Variants in OSBPL9 observed in about 807,000 individuals in gnomAD.
OSBPL9 encodes the protein oxysterol-binding protein-related protein 9.
In OSBPL9, 40 loss-of-function variants were observed where a neutral mutation model predicts 106.6. The observed-to-expected ratio is 0.38, with a 90% CI of 0.29 to 0.49. OSBPL9 has a LOEUF of 0.49. Among genes scored for constraint, OSBPL9 ranks in the 20% least tolerant of loss-of-function variants. OSBPL9 has a pLI of 0.97. For synonymous variants in OSBPL9, 269 were observed against 295.4 expected (o/e 0.91, Z 0.92); for missense variants, 609 against 887.2 (o/e 0.69, Z 3.98).
intron 2 of OSBPL9, among the ~76,000 whole-genome samples, chr1:51,669,033 C>A (rs9326019): frequency 0.96 from 146,292 of 152,268 alleles, 70,541 homozygotes; most frequent in Middle Eastern, 1. Flanking sequence ...AAGCAGCCTG[C>A]TGAAGAGCAC....
Position 51,781,202 on chromosome 1 carries a change from AGG to A in OSBPL9, c.1296_1297del (p.Gln432HisfsTer39). On this transcript the variant is annotated frameshift_variant, in exon 16 of 24. Coordinates refer to ENST00000428468, the MANE Select transcript of OSBPL9 (RefSeq NM_024586.6). LOFTEE classifies it high-confidence loss of function. ...AAGGATCCCAAGGATCGAATGGTTC[AGG>A]TTGTGAAATGGTACCTCTCAGCCTT... 2 of 1,614,068 alleles carry A rather than the reference AGG, an allele frequency of 1.2e-6. No individual in the cohort carries two copies. Among genetic ancestry groups the A allele is most frequent in the Non-Finnish European group, 1.7e-6 (2 of 1,179,982 alleles).
upstream of OSBPL9, among the ~76,000 whole-genome samples, chr1:51,613,495 A>T (rs551350761): frequency 1.3e-5 from 2 of 152,214 alleles, no homozygotes; most frequent in Non-Finnish European, 2.9e-5. Context: ...TTATTTGTAA[A>T]ATGTGGAGAT....
chr1:51,586,200 A>G lies in OSBPL9; in HGVS notation c.-423+8944A>G, dbSNP rs573219952. On this transcript the variant is annotated intron_variant, in intron 1 of 25. Transcript: ENST00000371714. Reference sequence around the variant, plus strand: ...AAAAAATAAATTAATAATAATAATAATAATAAATTAAAAGGGTAACACAAG... The same window carrying G: ...AAAAAATAAATTAATAATAATAATAGTAATAAATTAAAAGGGTAACACAAG... 1.1e-4 allele frequency among the ~76,000 whole-genome samples: 16 copies of G among 152,078 alleles called. No individual in the cohort carries two copies. In the South Asian group the frequency reaches 3.3e-3, roughly 32 times the overall value.
intron 8 of OSBPL9, among the ~76,000 whole-genome samples, chr1:51,750,512 G>A (rs1463281681): frequency 6.6e-6 from 1 of 152,144 alleles, no homozygotes; most frequent in Non-Finnish European, 1.5e-5. Context: ...GTTTTTCTTA[G>A]AAAATAGAGA....
At chr1:51,609,340 TCC>T (rs1557583423) in intron 2 of OSBPL9, among the ~76,000 whole-genome samples, 1 of 146,222 alleles carries the variant, frequency 6.8e-6, no homozygotes, top group African/African-American at 2.6e-5. Flanking sequence ...ACCTTCTCTC[TCC>T]TTTTTTTTTT....
intron 1 of OSBPL9, among the ~76,000 whole-genome samples, chr1:51,631,379 A>G (rs949943043): frequency 6.6e-6 from 1 of 152,096 alleles, no homozygotes. Context: ...CATCTCTACA[A>G]AAAACTAAAA....
intron 1 of OSBPL9, among the ~76,000 whole-genome samples, chr1:51,622,020 T>G (rs553158545): frequency 1.3e-4 from 19 of 148,928 alleles, no homozygotes; most frequent in Middle Eastern, 3.5e-3. Context: ...AAATGTGTGT[T>G]TTTTTTTTTA....
chr1:51,607,725 T>C (rs1284337499), intron 2 of OSBPL9, among the ~76,000 whole-genome samples: 2 of 152,202 alleles, frequency 1.3e-5, no homozygotes, highest in Non-Finnish European at 2.9e-5. Flanking sequence ...AGTGAATCCA[T>C]ACGGGTTTGC....
chr1:51,703,698 G>C (rs1430508465), intron 3 of OSBPL9, among the ~76,000 whole-genome samples: 6 of 152,284 alleles, frequency 3.9e-5, no homozygotes, highest in African/African-American at 1.4e-4. Flanking sequence ...TGGTGAGAGA[G>C]GGCATCCCTG....
chr1:51,560,436 T>C, the OSBPL9 span, among the ~76,000 whole-genome samples: 1 of 152,020 alleles, frequency 6.6e-6, no homozygotes, highest in South Asian at 2.1e-4. Flanking sequence ...CCTTATAGAG[T>C]TGTGAGAATT....
chr1:51,746,598 C>A, intron 5 of OSBPL9, 112 bp from the exon 6 acceptor site: 29 of 666,544 alleles, frequency 4.4e-5, no homozygotes, highest in Admixed American at 5.7e-5. Context: ...ACATATAAAT[C>A]ATCCCTGGAC....
chr1:51,781,107 A>G (rs1676279343), intron 15 of OSBPL9, 57 bp from the exon 16 acceptor site: 1 of 1,552,752 alleles, frequency 6.4e-7, no homozygotes, highest in South Asian at 1.1e-5. Context: ...GGGTTGTTGC[A>G]TCATCTTGTC....
chr1:51,594,421 G>C (rs929969040), intron 1 of OSBPL9, among the ~76,000 whole-genome samples: 4 of 151,082 alleles, frequency 2.6e-5, no homozygotes, highest in African/African-American at 9.7e-5. Flanking sequence ...AAAAAAGAAA[G>C]AAACAGAAAA....
the OSBPL9 span, among the ~76,000 whole-genome samples, chr1:51,542,934 C>A: frequency 6.6e-6 from 1 of 152,158 alleles, no homozygotes; most frequent in African/African-American, 2.4e-5. Context: ...TGAACAATCA[C>A]ATAGAGGGCA....
intron 1 of OSBPL9, among the ~76,000 whole-genome samples, chr1:51,590,110 T>C (rs1049891286): frequency 2.9e-4 from 44 of 151,240 alleles, no homozygotes; most frequent in Non-Finnish European, 7.4e-5. Flanking sequence ...GGTAAGAAGA[T>C]TGGGTTTTAT....
intron 2 of OSBPL9, 107 bp from the exon 3 acceptor site, chr1:51,669,327 C>A: frequency 1.1e-6 from 1 of 885,348 alleles, no homozygotes; most frequent in East Asian, 2.6e-5. Flanking sequence ...CTGTGTCTAG[C>A]CTGCTTCCAG....
At chr1:51,642,058 T>C (rs1645833715) in intron 1 of OSBPL9, among the ~76,000 whole-genome samples, 1 of 152,198 alleles carries the variant, frequency 6.6e-6, no homozygotes, top group South Asian at 2.1e-4. Context: ...TTTAACAGAC[T>C]TAGTAACACA....
intron 3 of OSBPL9, 85 bp downstream of exon 3, chr1:51,669,597 A>T: frequency 1.6e-6 from 2 of 1,287,484 alleles, no homozygotes; most frequent in Non-Finnish European, 2.2e-6. Context: ...GATGACTTGA[A>T]TGGTTTTGCA....
At chr1:51,540,017 A>G in the OSBPL9 span, among the ~76,000 whole-genome samples, 6 of 152,308 alleles carry the variant, frequency 3.9e-5, no homozygotes, top group South Asian at 1.2e-3. Flanking sequence ...GAACATGATA[A>G]GCTCTTTCCT....
Sources: gnomAD v4.1 joint callset for allele counts (sites outside exome capture counted in the v4.1 genomes callset) on GRCh38, gnomAD v4.1.1 for gene constraint, MANE v1.5 for transcripts, NCBI Gene and HGNC (gene_info 2026-07-23, HGNC 2026-07-21) for gene names.